GRIK4: variants seen among roughly 807,000 people sequenced by gnomAD.
GRIK4 encodes glutamate receptor ionotropic, kainate 4.
GRIK4 carries 40 observed loss-of-function variants against 104.9 expected under a neutral mutation model. The ratio of observed to expected loss-of-function variants is 0.38; its 90% CI spans 0.30 to 0.50. The LOEUF (loss-of-function observed/expected upper bound fraction) is 0.50, where lower values mean the gene tolerates loss of function less well. Among genes scored for constraint, GRIK4 ranks in the 20% least tolerant of loss-of-function variants. GRIK4 has a pLI of 0.93. For synonymous variants in GRIK4, 485 were observed against 524.9 expected (o/e 0.92, Z 1.04); for missense variants, 1,047 against 1,308.1 (o/e 0.80, Z 3.08).
intron 3 of GRIK4, among the ~76,000 whole-genome samples, chr11:120,755,988 G>A (rs1951644555): frequency 1.3e-5 from 2 of 152,182 alleles, no homozygotes; most frequent in East Asian, 1.9e-4. Context: ...GGACAGAGGT[G>A]TTCTGTCTCC....
chr11:120,562,855 G>A (rs1227448002), intron 1 of GRIK4, among the ~76,000 whole-genome samples: 2 of 152,218 alleles, frequency 1.3e-5, no homozygotes, highest in Non-Finnish European at 2.9e-5. Flanking sequence ...GGCATGGGGG[G>A]TATCGTGTGG....
At chr11:120,963,462 C>T (rs1944327639) in intron 18 of GRIK4, among the ~76,000 whole-genome samples, 1 of 152,214 alleles carries the variant, frequency 6.6e-6, no homozygotes, top group Non-Finnish European at 1.5e-5. Flanking sequence ...TCTGAATGTT[C>T]CTCCAGCCGC....
rs746689475 is a variant in GRIK4 at position 120,928,984 on chromosome 11, TGTGTGC to T, written c.1477-11361_1477-11356del. ...ACGTGTGTGTGTGTGTGTGTGTGTG[TGTGTGC>T]GCGCGTGCACGCGTGTATGTGTGTG... On this transcript the variant is annotated intron_variant, in intron 13 of 20. Coordinates refer to ENST00000527524, the MANE Select transcript of GRIK4 (RefSeq NM_014619.5). Among the ~76,000 whole-genome samples, 8 of 101,508 alleles carry T rather than the reference TGTGTGC, an allele frequency of 7.9e-5. No individual in the cohort carries two copies. The East Asian group carries it at 1.9e-3, about 24-fold the overall frequency. The allele number at this position is 101,508 out of a possible 152,430, so 66.6% of individuals were successfully genotyped here.
intron 1 of GRIK4, among the ~76,000 whole-genome samples, chr11:120,570,715 C>G (rs1418777567): frequency 6.6e-6 from 1 of 152,168 alleles, no homozygotes; most frequent in Non-Finnish European, 1.5e-5. Flanking sequence ...CTTGGCCTGC[C>G]AAAGTGCTAG....
chr11:120,892,256 G>C (rs1955324589), intron 11 of GRIK4, among the ~76,000 whole-genome samples: 1 of 152,222 alleles, frequency 6.6e-6, no homozygotes, highest in African/African-American at 2.4e-5. Context: ...AGGATGGAGA[G>C]TGGGCAAAGG....
intron 1 of GRIK4, among the ~76,000 whole-genome samples, chr11:120,612,681 T>TCTCA (rs1949052164): frequency 6.6e-6 from 1 of 152,214 alleles, no homozygotes; most frequent in Admixed American, 6.5e-5. Context: ...AGGCAAAAGA[T>TCTCA]CTCAGTTAAA....
In GRIK4 at chr11:120,777,549, C is replaced by G. The variant is rs1369049294; in HGVS notation, c.83-25144C>G. On this transcript the variant is annotated intron_variant, in intron 3 of 20. Coordinates refer to ENST00000527524, the MANE Select transcript of GRIK4 (RefSeq NM_014619.5). Reference sequence around the variant, plus strand: ...GGCACAGCAGTAAACAAAACAGACACAATCCCTGCCCCGGCTGTAGTGGGG... The same window carrying G: ...GGCACAGCAGTAAACAAAACAGACAGAATCCCTGCCCCGGCTGTAGTGGGG... Among the ~76,000 whole-genome samples the G allele has an allele frequency of 3.3e-5, 5 of 152,236 alleles. 1 individual carries two copies. Among genetic ancestry groups the G allele is most frequent in the African/African-American group, 1.2e-4 (5 of 41,462 alleles).
intron 8 of GRIK4, among the ~76,000 whole-genome samples, chr11:120,851,742 TGGCCTCTGGAACA>T (rs1953979580): frequency 6.6e-6 from 1 of 151,270 alleles, no homozygotes; most frequent in Admixed American, 6.6e-5. Flanking sequence ...GAGAGCCTGG[TGGCCTCTGGAACA>T]CAGCAGAGTC....
intron 1 of GRIK4, among the ~76,000 whole-genome samples, chr11:120,535,004 T>C (rs935147216): frequency 2.0e-5 from 3 of 152,212 alleles, no homozygotes; most frequent in African/African-American, 7.2e-5. Flanking sequence ...GAGAGTTTAC[T>C]CCCTGCAGTA....
rs61708602 is a variant in GRIK4 at position 120,902,198 on chromosome 11, C to CAT, written c.1273-3091_1273-3090dup. On this transcript the variant is annotated intron_variant, in intron 12 of 20. Transcript: ENST00000527524. The surrounding 1 kb of genome is among the most constrained non-coding windows in gnomAD (Gnocchi z 4.5). ...TGGTTTATTGGTTAATGCCAGCAAA[C>CAT]ATGGAATTGGCTGCCGCTCCCATTC... Among the ~76,000 whole-genome samples, 3,793 of 152,248 alleles carry CAT rather than the reference C, an allele frequency of 0.025. 166 individuals are homozygous for CAT. Among genetic ancestry groups the CAT allele is most frequent in the African/African-American group, 0.086 (3,577 of 41,508 alleles).
chr11:120,743,681 T>A (rs1892974), intron 3 of GRIK4, among the ~76,000 whole-genome samples: 113,772 of 152,146 alleles, frequency 0.75, 42,910 homozygotes, highest in Middle Eastern at 0.85. Context: ...CTGCCTGGGG[T>A]ATTGTTGCAA....
At chr11:120,917,691 A>G (rs77248109) in intron 13 of GRIK4, among the ~76,000 whole-genome samples, 3,154 of 152,254 alleles carry the variant, frequency 0.021, 127 homozygotes, top group African/African-American at 0.072. Flanking sequence ...GTTATTTTCC[A>G]TGGAAGGAGT....
At chr11:120,673,281 A>G (rs560882168) in intron 3 of GRIK4, among the ~76,000 whole-genome samples, 3 of 152,336 alleles carry the variant, frequency 2.0e-5, no homozygotes, top group South Asian at 2.1e-4. Flanking sequence ...TACTGAATGA[A>G]TGAATGATGG....
intron 3 of GRIK4, among the ~76,000 whole-genome samples, chr11:120,677,433 T>C (rs533277698): frequency 7.3e-6 from 1 of 136,110 alleles, no homozygotes; most frequent in South Asian, 2.3e-4. Context: ...AGCAATGTGA[T>C]GTAGGAGAGT....
intron 1 of GRIK4, among the ~76,000 whole-genome samples, chr11:120,517,828 T>G (rs1334399828): frequency 6.6e-6 from 1 of 151,878 alleles, no homozygotes; most frequent in Non-Finnish European, 1.5e-5. Flanking sequence ...GGAGCGTGAC[T>G]AGGGAGTAGA....
At chr11:120,772,090 G>C (rs1565343007) in intron 3 of GRIK4, among the ~76,000 whole-genome samples, 1 of 152,214 alleles carries the variant, frequency 6.6e-6, no homozygotes, top group East Asian at 1.9e-4. Context: ...GGACCACTCA[G>C]AGCCTTGTGG....
At chr11:120,800,618 C>A (rs1014710646) in intron 3 of GRIK4, among the ~76,000 whole-genome samples, 3 of 152,190 alleles carry the variant, frequency 2.0e-5, no homozygotes, top group African/African-American at 7.2e-5. Context: ...TTGGGATGTA[C>A]CTCTGTCGCC....
intron 13 of GRIK4, among the ~76,000 whole-genome samples, chr11:120,929,754 T>C (rs1424019582): frequency 6.6e-6 from 1 of 152,092 alleles, no homozygotes; most frequent in Non-Finnish European, 1.5e-5. Context: ...GCGTCCCACA[T>C]GACACCGTCC....
At chr11:120,941,244 C>G (rs1272074246) in intron 14 of GRIK4, among the ~76,000 whole-genome samples, 1 of 152,178 alleles carries the variant, frequency 6.6e-6, no homozygotes, top group Non-Finnish European at 1.5e-5. Context: ...TACAGATTTG[C>G]CCAATACACT....
Sources: gnomAD v4.1 joint callset for allele counts (sites outside exome capture counted in the v4.1 genomes callset) on GRCh38, gnomAD v4.1.1 for gene constraint, Gnocchi (gnomAD v3.1) non-coding constraint, MANE v1.5 for transcripts, NCBI Gene and HGNC (gene_info 2026-07-23, HGNC 2026-07-21) for gene names.